HSPA9: variants seen among roughly 807,000 people sequenced by gnomAD.
HSPA9 encodes heat shock protein family A (Hsp70) member 9.
Under a neutral mutation model 81.5 loss-of-function variants are expected in HSPA9, and 28 were observed. The observed-to-expected ratio is 0.34, with a 90% CI of 0.25 to 0.47. The LOEUF (loss-of-function observed/expected upper bound fraction) is 0.47, where lower values mean the gene tolerates loss of function less well. Ranked by LOEUF, HSPA9 falls within the 20% of genes least tolerant of loss-of-function variation. HSPA9 has a pLI of 1.00. For missense variants in HSPA9, 678 were observed against 838.0 expected (o/e 0.81, Z 2.36); for synonymous variants, 293 against 290.4 (o/e 1.01, Z -0.09).
chr5:138,560,902 A>C (rs1209082198), intron 10 of HSPA9: 9 of 388,466 alleles, frequency 2.3e-5, no homozygotes, highest in Non-Finnish European at 3.9e-5. Context: ...TTTTTTTTCC[A>C]GGTTCATTTT....
At chr5:138,557,618 G>A (rs1423467097) in intron 13 of HSPA9, 122 bp from the exon 14 acceptor site, 6 of 767,322 alleles carry the variant, frequency 7.8e-6, no homozygotes, top group Non-Finnish European at 1.4e-5. Context: ...ATGAAGAGGA[G>A]AAATACCCTA....
intron 14 of HSPA9, 31 bp from the exon 15 acceptor site, chr5:138,556,897 T>C: frequency 6.6e-7 from 1 of 1,522,478 alleles, no homozygotes. Flanking sequence ...AAACGAAGAC[T>C]TTCCAATCAA....
At position 138,555,358 on chromosome 5, in the gene HSPA9, TA is replaced by T. The variant is rs531663622; in HGVS notation, c.*678del. The T allele has an allele frequency of 4.4e-3, 649 of 146,088 alleles. 9 individuals are homozygous for T. The highest frequency in any genetic ancestry group is 0.016 in the East Asian group (83 of 5,088). 9.0% of individuals were successfully genotyped at this position (146,088 alleles called of 1,614,324 possible). On this transcript the variant is annotated 3_prime_UTR_variant, in exon 17 of 17. Coordinates refer to ENST00000297185, the MANE Select transcript of HSPA9 (RefSeq NM_004134.7). Reference sequence around the variant, plus strand: ...GATCAAGATGCTTTCTGTATTTATTTAAAAAAAAAAAAATTCCAGAATGGGT... The same window carrying T: ...GATCAAGATGCTTTCTGTATTTATTTAAAAAAAAAAAATTCCAGAATGGGT...
intron 16 of HSPA9, 81 bp from the exon 17 acceptor site, chr5:138,556,195 G>T: frequency 8.6e-7 from 1 of 1,166,038 alleles, no homozygotes; most frequent in Non-Finnish European, 1.3e-6. Flanking sequence ...CAAGATGAGG[G>T]ACCCACATAT....
Position 138,558,571 on chromosome 5 carries a change from G to T in HSPA9, c.1497C>A (p.Leu499=), listed in dbSNP as rs1338300202. 2 of 1,607,472 alleles carry T rather than the reference G, an allele frequency of 1.2e-6. No homozygotes were observed. The highest frequency in any genetic ancestry group is 1.3e-5 in the African/African-American group (1 of 74,890). Residue 499 remains leucine (L), a synonymous_variant, in exon 12 of 17, where the codon CTC becomes CTA. Coordinates refer to ENST00000297185, the MANE Select transcript of HSPA9 (RefSeq NM_004134.7). ...GEREMAGDNK[L]LGQFTLIGIP... ...AACCTACCAAAGTAAACTGTCCAAG[G>T]AGTTTGTTGTCTCCAGCCATCTCTC...
At chr5:138,558,478 A>G in intron 12 of HSPA9, 75 bp downstream of exon 12, 2 of 1,025,112 alleles carry the variant, frequency 2.0e-6, no homozygotes, top group Non-Finnish European at 3.1e-6. Context: ...GTTTATACTA[A>G]TATTTTTATG....
chr5:138,567,861 G>A (rs1292809326), intron 5 of HSPA9, 139 bp from the exon 6 acceptor site: 3 of 719,866 alleles, frequency 4.2e-6, no homozygotes, highest in African/African-American at 1.7e-5. Context: ...GTCCTTGCAG[G>A]AAACACTCCA....
Position 138,575,367 on chromosome 5 carries a change from A to G in HSPA9, c.-49T>C, listed in dbSNP as rs201906348. ...GGCAGCAAACAAGCGCTCCGACGGC[A>G]AAGAGCTGCGCGATGCGGTGGCGGC... On this transcript the variant is annotated 5_prime_UTR_variant, in exon 1 of 17. Transcript: ENST00000297185. 1.5e-3 allele frequency: 2,221 copies of G among 1,481,898 alleles called. 32 individuals carry two copies. The African/African-American group carries it at 0.025, about 17-fold the overall frequency. The allele number at this position is 1,481,898 out of a possible 1,614,324, so 91.8% of individuals were successfully genotyped here. A position where few individuals can be genotyped will look rare whatever the true frequency, so the allele number is the denominator to read the frequency against.
chr5:138,573,295 C>T (rs1158244339), intron 3 of HSPA9, among the ~76,000 whole-genome samples: 3 of 152,142 alleles, frequency 2.0e-5, no homozygotes, highest in African/African-American at 7.2e-5. Flanking sequence ...TCCCAAAGTG[C>T]TGGGACTGCA....
chr5:138,568,270 A>C (rs1367746120), intron 5 of HSPA9, among the ~76,000 whole-genome samples: 1 of 151,970 alleles, frequency 6.6e-6, no homozygotes, highest in African/African-American at 2.4e-5. Context: ...GCTGAGGCGG[A>C]TGAATCACCT....
chr5:138,567,015 C>T lies in HSPA9; in HGVS notation c.865G>A (p.Glu289Lys). ...TGGTAACTCACCTCTCTCTTGAACT[C>T]CTTCACAATGTGCCGTAGCAAGGCC... ...DQALLRHIVK[E>K]FKRETGVDLT... The change falls in exon 8 of 17, where the codon GAG becomes AAG. Residue 289 changes from glutamate to lysine, a missense_variant. Transcript: ENST00000297185. 1 of 1,613,022 alleles carries T rather than the reference C, an allele frequency of 6.2e-7. No individual in the cohort carries two copies. Among genetic ancestry groups the T allele is most frequent in the Non-Finnish European group, 8.5e-7 (1 of 1,179,978 alleles).
rs374870932 is a variant in HSPA9, at chr5:138,571,190, A to C, written c.229-49T>G. ...GAGTAAGTTTGTAGTTATCACTGGTATGTTTTTTGAGATGGAGTCTCACTC... is the reference window on the plus strand; with the variant it reads ...GAGTAAGTTTGTAGTTATCACTGGTCTGTTTTTTGAGATGGAGTCTCACTC... On this transcript the variant is annotated intron_variant, in intron 3 of 16. Transcript: ENST00000297185. 2.8e-5 allele frequency: 44 copies of C among 1,579,422 alleles called. No individual in the cohort carries two copies. The African/African-American group carries it at 5.7e-4, about 20-fold the overall frequency.
rs147723579 is a variant in HSPA9 at position 138,557,413 on chromosome 5, G to C, written c.1717C>G (p.Arg573Gly). Reference sequence around the variant, plus strand: ...CAAGAAGTAATCACCTTCTTTCGCCGGTCTTCTTCAGCATATTTCTCTGCA... The same window carrying C: ...CAAGAAGTAATCACCTTCTTTCGCCCGTCTTCTTCAGCATATTTCTCTGCA... ...KNAEKYAEED[R>G]RKKERVEAVN... The change falls in exon 14 of 17, where the codon CGG (arginine) becomes GGG (glycine). Residue 573 changes from arginine to glycine, a missense_variant. Arg to Gly is a moderately radical substitution (Grantham distance 125). Transcript: ENST00000297185. 1.2e-6 allele frequency: 2 copies of C among 1,603,652 alleles called. No homozygotes were observed. Among genetic ancestry groups the C allele is most frequent in the South Asian group, 1.1e-5 (1 of 90,492 alleles).
At chr5:138,561,119 G>A (rs748159497) in intron 10 of HSPA9, 2 of 482,130 alleles carry the variant, frequency 4.1e-6, no homozygotes, top group Admixed American at 4.1e-5. Flanking sequence ...ACAAATCTTT[G>A]TCAAAGAGAT....
chr5:138,574,027 T>C lies in HSPA9; in HGVS notation c.140+41A>G, dbSNP rs889810302. On this transcript the variant is annotated intron_variant, in intron 2 of 16. Transcript: ENST00000297185. ...ATGTAGAAAACACTGCTTTGAAGTT[T>C]AATATGTATTCCCTCTCAAAGGAAA... 3 of 1,493,980 alleles carry C rather than the reference T, an allele frequency of 2.0e-6. No homozygotes were observed. In the African/African-American group the frequency reaches 4.1e-5, roughly 21 times the overall value. 92.5% of individuals were successfully genotyped at this position (1,493,980 alleles called of 1,614,324 possible).
At chr5:138,567,908 G>C (rs997879757) in intron 5 of HSPA9, among the ~76,000 whole-genome samples, 186 bp from the exon 6 acceptor site, 2 of 152,136 alleles carry the variant, frequency 1.3e-5, no homozygotes, top group African/African-American at 2.4e-5. Flanking sequence ...GATCAGGCCG[G>C]GCACGGTGGC....
In HSPA9 at chr5:138,575,380, A is replaced by G. The variant is rs575452545; in HGVS notation, c.-62T>C. The stretch of plus-strand genomic sequence containing the variant: ...CGCTCCGACGGCAAAGAGCTGCGCG[A>G]TGCGGTGGCGGCAGCGCTTCTGGAA... On this transcript the variant is annotated 5_prime_UTR_variant, in exon 1 of 17. Coordinates refer to ENST00000297185, the MANE Select transcript of HSPA9 (RefSeq NM_004134.7). The G allele has an allele frequency of 1.4e-6, 2 of 1,400,936 alleles. No individual in the cohort carries two copies. The highest frequency in any genetic ancestry group is 1.0e-6 in the Non-Finnish European group (1 of 994,252). 86.8% of individuals were successfully genotyped at this position (1,400,936 alleles called of 1,614,324 possible). A position where few individuals can be genotyped will look rare whatever the true frequency, so the allele number is the denominator to read the frequency against.
At chr5:138,557,223 C>T in intron 14 of HSPA9, 179 bp downstream of exon 14, 1 of 650,756 alleles carries the variant, frequency 1.5e-6, no homozygotes, top group Non-Finnish European at 2.8e-6. Context: ...CCTGAGCCTC[C>T]CAAGTAGCTG....
chr5:138,570,034 A>T (rs1268244121), intron 4 of HSPA9, among the ~76,000 whole-genome samples: 1 of 151,870 alleles, frequency 6.6e-6, no homozygotes, highest in Non-Finnish European at 1.5e-5. Context: ...CGCACCACCG[A>T]GCTTGGCTCT....
Sources: gnomAD v4.1 joint callset for allele counts (sites outside exome capture counted in the v4.1 genomes callset) on GRCh38, gnomAD v4.1.1 for gene constraint, MANE v1.5 for transcripts, NCBI Gene and HGNC (gene_info 2026-07-23, HGNC 2026-07-21) for gene names.